CDH13: variants seen among roughly 807,000 people sequenced by gnomAD.
CDH13 encodes the protein cadherin-13.
A neutral mutation model predicts 63.8 loss-of-function variants in CDH13; 24 were observed. The observed-to-expected ratio is 0.38, with a 90% confidence interval of 0.27 to 0.53. The LOEUF is 0.53. Among genes scored for constraint, CDH13 ranks in the 20% least tolerant of loss-of-function variants. CDH13 has a pLI of 0.85. For missense variants in CDH13, 1,049 were observed against 903.1 expected (o/e 1.16, Z -2.07); for synonymous variants, 503 against 355.3 (o/e 1.42, Z -4.67).
chr16:83,794,786 C>T (rs374410340), intron 13 of CDH13, among the ~76,000 whole-genome samples: 2 of 151,862 alleles, frequency 1.3e-5, no homozygotes, highest in African/African-American at 4.8e-5. Context: ...TCGGTCTGAG[C>T]GATGTTTGGC....
At chr16:83,374,536 CTGGGT>C (rs2091427451) in intron 6 of CDH13, among the ~76,000 whole-genome samples, 1 of 152,172 alleles carries the variant, frequency 6.6e-6, no homozygotes, top group African/African-American at 2.4e-5. Flanking sequence ...TTGAGTTTTC[CTGGGT>C]TGTGCATTGT....
intron 8 of CDH13, among the ~76,000 whole-genome samples, chr16:83,617,135 T>C (rs574195189): frequency 2.6e-5 from 4 of 152,318 alleles, no homozygotes; most frequent in Middle Eastern, 3.4e-3. Flanking sequence ...CCGCTTGGAA[T>C]GCTTTGCTCT....
intron 1 of CDH13, among the ~76,000 whole-genome samples, chr16:82,782,405 C>T (rs62034546): frequency 6.6e-6 from 1 of 151,876 alleles, no homozygotes; most frequent in South Asian, 2.1e-4. Context: ...ACTAAAAATA[C>T]AAACATTAGC....
chr16:82,914,019 T>C (rs972164528), intron 2 of CDH13, among the ~76,000 whole-genome samples: 2 of 151,592 alleles, frequency 1.3e-5, no homozygotes, highest in Non-Finnish European at 2.9e-5. Context: ...AGAAGAAAGG[T>C]ATTGCTGTGT....
chr16:83,518,974 C>T (rs564425452), intron 7 of CDH13, among the ~76,000 whole-genome samples: 6 of 152,102 alleles, frequency 3.9e-5, no homozygotes, highest in African/African-American at 1.2e-4. Flanking sequence ...AGCTTGAGAA[C>T]GGACTAATAT....
rs571043371 is a variant in CDH13, at chr16:83,357,991, C to A, written c.781+12985C>A. 1.4e-4 allele frequency among the ~76,000 whole-genome samples: 21 copies of A among 152,204 alleles called. No homozygotes were observed. The South Asian group carries it at 3.9e-3, about 29-fold the overall frequency. On this transcript the variant is annotated intron_variant, in intron 6 of 13. Coordinates refer to ENST00000567109, the MANE Select transcript of CDH13 (RefSeq NM_001257.5). ...TTGACTTGCCACAGCAGGCTAGAGG[C>A]GGATGCTATGATCATCTCTATGTCC...
intron 6 of CDH13, among the ~76,000 whole-genome samples, chr16:83,409,082 G>T (rs1467267939): frequency 6.6e-6 from 1 of 152,148 alleles, no homozygotes; most frequent in Non-Finnish European, 1.5e-5. Context: ...GGTTTATTTT[G>T]GGAGGTACAG....
chr16:83,192,136 C>T (rs1043329564), intron 4 of CDH13, among the ~76,000 whole-genome samples: 3 of 152,196 alleles, frequency 2.0e-5, no homozygotes, highest in African/African-American at 7.2e-5. Flanking sequence ...ACACTCAAGC[C>T]TCAAGCAAGA....
At chr16:83,399,126 T>C (rs1418398059) in intron 6 of CDH13, among the ~76,000 whole-genome samples, 3 of 152,242 alleles carry the variant, frequency 2.0e-5, no homozygotes, top group Admixed American at 6.5e-5. Context: ...TTTCAATAGA[T>C]GGTTTGTTTC....
At chr16:83,557,451 G>A (rs1197578527) in intron 7 of CDH13, among the ~76,000 whole-genome samples, 1 of 152,038 alleles carries the variant, frequency 6.6e-6, no homozygotes, top group Admixed American at 6.6e-5. Context: ...AAAAGGTTGG[G>A]GACTGATGTT....
intron 7 of CDH13, among the ~76,000 whole-genome samples, chr16:83,582,368 C>G (rs1905697549): frequency 6.6e-6 from 1 of 152,250 alleles, no homozygotes; most frequent in South Asian, 2.1e-4. Context: ...ATGCTAGCAG[C>G]ATCCCTTTGG....
chr16:83,178,857 C>T (rs1244278588), intron 4 of CDH13, among the ~76,000 whole-genome samples: 1 of 152,044 alleles, frequency 6.6e-6, no homozygotes, highest in African/African-American at 2.4e-5. Context: ...GGCCTTGAAT[C>T]CTCCCAGTGT....
At chr16:83,227,044 C>G (rs1011624579) in intron 5 of CDH13, among the ~76,000 whole-genome samples, 2 of 152,216 alleles carry the variant, frequency 1.3e-5, no homozygotes, top group African/African-American at 4.8e-5. Flanking sequence ...CGCTGGGACC[C>G]TGAAGTGTGT....
intron 10 of CDH13, among the ~76,000 whole-genome samples, chr16:83,746,750 C>G (rs1334101036): frequency 6.6e-6 from 1 of 152,208 alleles, no homozygotes; most frequent in Non-Finnish European, 1.5e-5. Flanking sequence ...CCAACAGCAT[C>G]TTTCTGGCTT....
chr16:82,941,307 A>G (rs1186223675), intron 2 of CDH13, among the ~76,000 whole-genome samples: 1 of 152,212 alleles, frequency 6.6e-6, no homozygotes, highest in Non-Finnish European at 1.5e-5. Flanking sequence ...GGGATCTCCC[A>G]TTCAGTGAAA....
At chr16:83,135,981 A>G (rs1341617159) in intron 4 of CDH13, among the ~76,000 whole-genome samples, 2 of 152,106 alleles carry the variant, frequency 1.3e-5, no homozygotes, top group African/African-American at 4.8e-5. Flanking sequence ...TGAGGACGCA[A>G]AAGCATAGGC....
chr16:83,167,964 C>T (rs1158004661), intron 4 of CDH13, among the ~76,000 whole-genome samples: 1 of 151,972 alleles, frequency 6.6e-6, no homozygotes, highest in Non-Finnish European at 1.5e-5. Flanking sequence ...AACCAAATAC[C>T]ACATGTTCTC....
chr16:83,211,456 T>G (rs1451743408), intron 4 of CDH13, among the ~76,000 whole-genome samples: 1 of 152,204 alleles, frequency 6.6e-6, no homozygotes, highest in Non-Finnish European at 1.5e-5. Flanking sequence ...ATAATGACCT[T>G]ATTTATGTAA....
chr16:82,647,652 C>T (rs1290059001), intron 1 of CDH13, among the ~76,000 whole-genome samples: 1 of 152,156 alleles, frequency 6.6e-6, no homozygotes, highest in African/African-American at 2.4e-5. Flanking sequence ...AAAGCTGCCC[C>T]AGGGGGCACT....
Sources: allele counts gnomAD v4.1 joint callset (sites outside exome capture counted in the v4.1 genomes callset), GRCh38; gene constraint gnomAD v4.1.1; transcripts MANE v1.5; gene names NCBI Gene and HGNC (gene_info 2026-07-23, HGNC 2026-07-21).